The following ARMC8 variants were observed in gnomAD, a reference collection of about 807,000 sequenced individuals.
ARMC8 encodes the protein armadillo repeat-containing protein 8.
Under a neutral mutation model 99.3 loss-of-function variants are expected in ARMC8, and 20 were observed. That is an observed-to-expected ratio of 0.20 (90% CI 0.14 to 0.29). ARMC8 has a LOEUF of 0.29. Among genes scored for constraint, ARMC8 ranks in the 10% least tolerant of loss-of-function variants. ARMC8 has a pLI of 1.00. For missense variants in ARMC8, 569 were observed against 809.5 expected, an observed-to-expected ratio of 0.70 and a Z score of 3.60; for synonymous variants, 263 against 278.3, an observed-to-expected ratio of 0.95 and a Z score of 0.55.
At chr3:138,224,147 A>T (rs2045558560) in intron 5 of ARMC8, among the ~76,000 whole-genome samples, 1 of 150,996 alleles carries the variant, frequency 6.6e-6, no homozygotes, top group South Asian at 2.1e-4. Flanking sequence ...TTTAGGAGAG[A>T]TAGGGTTTCA....
intron 7 of ARMC8, among the ~76,000 whole-genome samples, chr3:138,236,441 C>A (rs1028912504): frequency 6.6e-6 from 1 of 152,136 alleles, no homozygotes; most frequent in Non-Finnish European, 1.5e-5. Flanking sequence ...ACTAGACTTC[C>A]TTATTTACTA....
chr3:138,222,676 T>C (rs755485069), intron 3 of ARMC8, among the ~76,000 whole-genome samples: 1 of 152,226 alleles, frequency 6.6e-6, no homozygotes, highest in Non-Finnish European at 1.5e-5. Context: ...GTGTTTTAAC[T>C]CACCAACCTC....
At chr3:138,267,333 G>A in intron 15 of ARMC8, 92 bp downstream of exon 15, 2 of 750,474 alleles carry the variant, frequency 2.7e-6, no homozygotes, top group Non-Finnish European at 4.1e-6. Flanking sequence ...AAATCTGTGG[G>A]TTGGGTTTAA....
In ARMC8 at chr3:138,187,472, T is replaced by A. The variant is rs905170876; in HGVS notation, c.-83T>A. The A allele has an allele frequency of 7.0e-7, 1 of 1,422,618 alleles. No homozygotes were observed. The highest frequency in any genetic ancestry group is 1.4e-5 in the African/African-American group (1 of 70,988). 88.1% of individuals were successfully genotyped at this position (1,422,618 alleles called of 1,614,324 possible). A position where few individuals can be genotyped will look rare whatever the true frequency, so the allele number is the denominator to read the frequency against. ...CTATCTGGCTGCCTTTAGGGAGCGG[T>A]GCCTAGCGTTGGCCAATAGTTGGCT... On this transcript the variant is annotated 5_prime_UTR_variant, in exon 1 of 22. Transcript: ENST00000469044.
intron 2 of ARMC8, among the ~76,000 whole-genome samples, chr3:138,215,943 C>G (rs2045008058): frequency 6.6e-6 from 1 of 151,670 alleles, no homozygotes. Flanking sequence ...TCACTGCAAC[C>G]TCCGCCTCCC....
At chr3:138,195,912 G>C (rs1429064826) in intron 1 of ARMC8, among the ~76,000 whole-genome samples, 2 of 151,088 alleles carry the variant, frequency 1.3e-5, no homozygotes, top group Non-Finnish European at 2.9e-5. Flanking sequence ...GAGGAATGAA[G>C]AGTTACATTT....
intron 1 of ARMC8, among the ~76,000 whole-genome samples, chr3:138,200,998 T>A (rs1321116800): frequency 4.8e-5 from 7 of 146,558 alleles, no homozygotes; most frequent in Admixed American, 4.2e-4. Context: ...TTGTAGCCTC[T>A]GCTTCCTGGG....
intron 18 of ARMC8, among the ~76,000 whole-genome samples, chr3:138,281,083 TC>T (rs2049862788): frequency 6.6e-6 from 1 of 152,132 alleles, no homozygotes; most frequent in Non-Finnish European, 1.5e-5. Flanking sequence ...ATGGCTGTCT[TC>T]CAATAAAAAT....
At position 138,187,509 on chromosome 3, in the gene ARMC8, C is replaced by T. The variant is rs759462659; in HGVS notation, c.-46C>T. ...GCCAATAGTTGGCTGTCGAAAGTGC[C>T]GGCCCCCGCGCCGGCGCCTGCAGCA... is the stretch of plus-strand genomic sequence containing the variant. On this transcript the variant is annotated 5_prime_UTR_variant, in exon 1 of 22. Transcript: ENST00000469044. 9.8e-6 allele frequency: 15 copies of T among 1,534,008 alleles called. 1 individual carries two copies. In the South Asian group the frequency reaches 1.4e-4, roughly 15 times the overall value.
intron 1 of ARMC8, among the ~76,000 whole-genome samples, chr3:138,193,857 A>G (rs954745442): frequency 2.6e-5 from 4 of 152,348 alleles, no homozygotes; most frequent in East Asian, 1.9e-4. Flanking sequence ...GACTTTACCA[A>G]AATGAAAACT....
At chr3:138,222,436 C>T (rs1419583640) in intron 3 of ARMC8, among the ~76,000 whole-genome samples, 1 of 152,086 alleles carries the variant, frequency 6.6e-6, no homozygotes, top group Non-Finnish European at 1.5e-5. Flanking sequence ...ATTTTTACAA[C>T]TTGCTGTTTT....
At chr3:138,211,404 A>T (rs2044689405) in intron 2 of ARMC8, among the ~76,000 whole-genome samples, 1 of 152,252 alleles carries the variant, frequency 6.6e-6, no homozygotes, top group South Asian at 2.1e-4. Flanking sequence ...GTTCTATCTG[A>T]TATGAGTAGC....
chr3:138,203,395 T>C (rs1043433435), intron 1 of ARMC8, among the ~76,000 whole-genome samples: 3 of 152,234 alleles, frequency 2.0e-5, no homozygotes, highest in Non-Finnish European at 4.4e-5. Flanking sequence ...AGATCTCTTA[T>C]GTGGTTGCAG....
At chr3:138,270,806 G>T (rs1188462721) in intron 16 of ARMC8, among the ~76,000 whole-genome samples, 1 of 151,984 alleles carries the variant, frequency 6.6e-6, no homozygotes, top group Non-Finnish European at 1.5e-5. Context: ...TGAGGTTAGA[G>T]AACCATTTCT....
At chr3:138,287,208 A>G (rs2050516388) in intron 19 of ARMC8, among the ~76,000 whole-genome samples, 1 of 152,218 alleles carries the variant, frequency 6.6e-6, no homozygotes, top group Non-Finnish European at 1.5e-5. Context: ...TCAACACAGA[A>G]TGAAATCCAG....
intron 1 of ARMC8, among the ~76,000 whole-genome samples, chr3:138,195,026 G>C (rs1339949132): frequency 6.6e-6 from 1 of 152,046 alleles, no homozygotes; most frequent in Non-Finnish European, 1.5e-5. Flanking sequence ...TGTAATCCTA[G>C]CATTTTGGGA....
chr3:138,244,880 G>T (rs1479333377), intron 11 of ARMC8, among the ~76,000 whole-genome samples: 2 of 152,194 alleles, frequency 1.3e-5, no homozygotes, highest in Non-Finnish European at 2.9e-5. Context: ...GAAGCATATT[G>T]TGTGCATTTT....
intron 18 of ARMC8, among the ~76,000 whole-genome samples, chr3:138,275,615 C>G (rs1359360404): frequency 6.6e-6 from 1 of 151,876 alleles, no homozygotes; most frequent in East Asian, 1.9e-4. Flanking sequence ...CTGAAAGAAA[C>G]TCGCCCAAGG....
intron 12 of ARMC8, among the ~76,000 whole-genome samples, chr3:138,261,169 A>C (rs1177433028): frequency 2.0e-5 from 3 of 152,346 alleles, no homozygotes; most frequent in Non-Finnish European, 2.9e-5. Context: ...TGGAAAACAC[A>C]CTACTATGAC....
Sources: allele counts gnomAD v4.1 joint callset (sites outside exome capture counted in the v4.1 genomes callset), GRCh38; gene constraint gnomAD v4.1.1; transcripts MANE v1.5; gene names NCBI Gene and HGNC (gene_info 2026-07-23, HGNC 2026-07-21).